The following NKAIN3 variants were observed in gnomAD, a reference collection of about 807,000 sequenced individuals.
The protein encoded by NKAIN3 is sodium/potassium-transporting ATPase subunit beta-1-interacting protein 3.
Under a neutral mutation model 30.2 loss-of-function variants are expected in NKAIN3, and 25 were observed. That is an observed-to-expected ratio of 0.83 (90% CI 0.60 to 1.16). NKAIN3 has a LOEUF of 1.16. NKAIN3 is among the 50% of genes most tolerant of loss of function. NKAIN3 has a pLI of 0.00. For missense variants in NKAIN3, 225 were observed against 254.1 expected (o/e 0.89, Z 0.78); for synonymous variants, 91 against 89.6 (o/e 1.02, Z -0.09).
chr8:62,350,794 G>T (rs1427728149), intron 1 of NKAIN3, among the ~76,000 whole-genome samples: 2 of 151,886 alleles, frequency 1.3e-5, no homozygotes, highest in Non-Finnish European at 1.5e-5. Context: ...GGGTTCAAGC[G>T]ATTCTCATGC....
rs552621574 is a variant in NKAIN3, at chr8:62,759,877, G to T, written c.471+12748G>T. Among the ~76,000 whole-genome samples the T allele has an allele frequency of 1.7e-4, 26 of 152,142 alleles. No homozygotes were observed. In the South Asian group the frequency reaches 3.1e-3, roughly 18 times the overall value. On this transcript the variant is annotated intron_variant, in intron 4 of 6. Coordinates refer to ENST00000623646, the MANE Select transcript of NKAIN3 (RefSeq NM_001304533.3). ...TTTTGCAATCTACTCATCTGACACAGGGCTGATACCCAGAATCTACATAGA... is the reference window on the plus strand; with the variant it reads ...TTTTGCAATCTACTCATCTGACACATGGCTGATACCCAGAATCTACATAGA...
intron 1 of NKAIN3, among the ~76,000 whole-genome samples, chr8:62,375,147 T>G (rs1224232244): frequency 2.0e-5 from 3 of 152,234 alleles, no homozygotes; most frequent in Non-Finnish European, 4.4e-5. Flanking sequence ...CCAGACCAGC[T>G]TTTTCACTCT....
intron 1 of NKAIN3, among the ~76,000 whole-genome samples, chr8:62,394,979 G>T (rs1441716168): frequency 7.2e-6 from 1 of 138,608 alleles, no homozygotes; most frequent in African/African-American, 2.7e-5. Flanking sequence ...CTTCCCAGAC[G>T]GGTCGGCGGC....
intron 4 of NKAIN3, among the ~76,000 whole-genome samples, chr8:62,850,522 T>C (rs1451204624): frequency 6.6e-6 from 1 of 152,158 alleles, no homozygotes; most frequent in Non-Finnish European, 1.5e-5. Flanking sequence ...AGACATGAAG[T>C]CCTTGCCCAT....
At chr8:62,670,019 A>AAT (rs1270381724) in intron 3 of NKAIN3, among the ~76,000 whole-genome samples, 1 of 152,202 alleles carries the variant, frequency 6.6e-6, no homozygotes, top group Non-Finnish European at 1.5e-5. Flanking sequence ...CTAAGGATGA[A>AAT]ATATATGTTT....
intron 3 of NKAIN3, 99 bp from the exon 4 acceptor site, chr8:62,746,833 T>C: frequency 2.6e-6 from 2 of 772,606 alleles, no homozygotes; most frequent in Non-Finnish European, 4.2e-6. Flanking sequence ...GAAATCACTG[T>C]AGCAATTTCA....
chr8:62,280,543 C>T (rs187002505), intron 1 of NKAIN3, among the ~76,000 whole-genome samples: 14 of 152,068 alleles, frequency 9.2e-5, no homozygotes, highest in African/African-American at 1.7e-4. Flanking sequence ...TTTTGAGATA[C>T]GTCCCAGCGA....
chr8:62,515,481 T>G (rs1807958090), intron 1 of NKAIN3, among the ~76,000 whole-genome samples: 1 of 152,124 alleles, frequency 6.6e-6, no homozygotes, highest in African/African-American at 2.4e-5. Flanking sequence ...CTTCTTTTCT[T>G]AACTTTTATT....
intron 4 of NKAIN3, among the ~76,000 whole-genome samples, chr8:62,805,697 C>T (rs570000769): frequency 6.6e-6 from 1 of 152,262 alleles, no homozygotes; most frequent in East Asian, 1.9e-4. Flanking sequence ...ACCATAAAAT[C>T]CCTAGAAGAA....
At chr8:62,562,502 G>C (rs1281059146) in intron 1 of NKAIN3, among the ~76,000 whole-genome samples, 2 of 152,150 alleles carry the variant, frequency 1.3e-5, no homozygotes, top group Non-Finnish European at 2.9e-5. Flanking sequence ...TCTACTGTCA[G>C]TGGTTTACTG....
At chr8:62,272,223 T>A (rs1240568636) in intron 1 of NKAIN3, among the ~76,000 whole-genome samples, 12 of 152,218 alleles carry the variant, frequency 7.9e-5, no homozygotes, top group African/African-American at 2.9e-4. Flanking sequence ...CCAACTTGAT[T>A]CTTAACCCAG....
chr8:62,979,491 G>A lies in NKAIN3; in HGVS notation c.*14084G>A, dbSNP rs897644865. The A allele has an allele frequency of 6.6e-6, 1 of 152,138 alleles. No individual in the cohort carries two copies. The allele number at this position is 152,138 out of a possible 1,614,324, so 9.4% of individuals were successfully genotyped here. A position where few individuals can be genotyped will look rare whatever the true frequency, so the allele number is the denominator to read the frequency against. On this transcript the variant is annotated 3_prime_UTR_variant, in exon 7 of 7. Transcript: ENST00000623646. Reference sequence around the variant, plus strand: ...TTCTAAATAATCACGTTGCTAAAATGTGCCACATGGCCCATTTCTTTAAAC... The same window carrying A: ...TTCTAAATAATCACGTTGCTAAAATATGCCACATGGCCCATTTCTTTAAAC...
At chr8:62,844,288 C>T (rs1819611690) in intron 4 of NKAIN3, among the ~76,000 whole-genome samples, 1 of 152,096 alleles carries the variant, frequency 6.6e-6, no homozygotes, top group Admixed American at 6.6e-5. Context: ...GGGGAACTCT[C>T]CAGAGTTACT....
chr8:62,274,127 G>T (rs548602992), intron 1 of NKAIN3, among the ~76,000 whole-genome samples: 7 of 152,216 alleles, frequency 4.6e-5, no homozygotes, highest in African/African-American at 1.4e-4. Flanking sequence ...TTAGTCCAAT[G>T]AGCTCTTTAT....
intron 1 of NKAIN3, among the ~76,000 whole-genome samples, chr8:62,330,270 C>T (rs1424948243): frequency 6.6e-6 from 1 of 151,718 alleles, no homozygotes; most frequent in African/African-American, 2.4e-5. Flanking sequence ...GTATATATCA[C>T]AGGAAGGAGT....
At chr8:62,577,886 CTT>C (rs1810166839) in intron 1 of NKAIN3, among the ~76,000 whole-genome samples, 1 of 152,008 alleles carries the variant, frequency 6.6e-6, no homozygotes, top group Admixed American at 6.6e-5. Flanking sequence ...GCTTCGCTCT[CTT>C]CTCTTTTCCG....
intron 1 of NKAIN3, among the ~76,000 whole-genome samples, chr8:62,456,802 A>T (rs1254660569): frequency 6.6e-6 from 1 of 152,240 alleles, no homozygotes; most frequent in South Asian, 2.1e-4. Context: ...CCAAATTTTA[A>T]AAATCATGGC....
chr8:62,953,948 T>C lies in NKAIN3; in HGVS notation c.579T>C (p.His193=), dbSNP rs1396450154. Residue 193 remains histidine, a synonymous_variant, in exon 6 of 7, where the codon CAT becomes CAC. Coordinates refer to ENST00000623646, the MANE Select transcript of NKAIN3 (RefSeq NM_001304533.3). ...GLDTHSYYQD[H]VELKPVKPVE... The stretch of plus-strand genomic sequence containing the variant: ...ATACACACTCCTACTACCAGGATCA[T>C]GTTGAGTTAAAGCCTGTTAAACCAG... The C allele has an allele frequency of 4.1e-6, 4 of 981,428 alleles. No homozygotes were observed. The highest frequency in any genetic ancestry group is 4.8e-6 in the Non-Finnish European group (4 of 825,890). The allele number at this position is 981,428 out of a possible 1,614,324, so 60.8% of individuals were successfully genotyped here. A position where few individuals can be genotyped will look rare whatever the true frequency, so the allele number is the denominator to read the frequency against.
intron 4 of NKAIN3, among the ~76,000 whole-genome samples, chr8:62,894,394 A>G (rs1218678497): frequency 6.6e-6 from 1 of 152,064 alleles, no homozygotes; most frequent in Non-Finnish European, 1.5e-5. Context: ...CACTCGAGGA[A>G]CTCAAGATTT....
Sources: gnomAD v4.1 joint callset for allele counts (sites outside exome capture counted in the v4.1 genomes callset) on GRCh38, gnomAD v4.1.1 for gene constraint, MANE v1.5 for transcripts, NCBI Gene and HGNC (gene_info 2026-07-23, HGNC 2026-07-21) for gene names.